SBNO2: variants seen among roughly 807,000 people sequenced by gnomAD.
SBNO2 encodes the protein protein strawberry notch homolog 2.
In SBNO2, 89 loss-of-function variants were observed where a neutral mutation model predicts 146.3. The observed-to-expected ratio is 0.61, with a 90% CI of 0.51 to 0.73. SBNO2 has a LOEUF of 0.73. SBNO2 is among the 30% of genes least tolerant of loss of function. SBNO2 has a pLI of 0.00. For missense variants in SBNO2, 2,092 were observed against 2,003.7 expected (o/e 1.04, Z -0.84); for synonymous variants, 1,147 against 892.6 (o/e 1.29, Z -5.08).
chr19:1,147,949 C>T (rs1025003515), intron 3 of SBNO2, among the ~76,000 whole-genome samples: 1 of 152,270 alleles, frequency 6.6e-6, no homozygotes, highest in East Asian at 1.9e-4. Flanking sequence ...GGGGGCCCCC[C>T]GCCCAGGGGC....
At chr19:1,151,451 A>G (rs60407916) in intron 2 of SBNO2, among the ~76,000 whole-genome samples, 1 of 152,302 alleles carries the variant, frequency 6.6e-6, no homozygotes, top group African/African-American at 2.4e-5. Flanking sequence ...CCCACAGCCC[A>G]TGGCTCCTCT....
intron 4 of SBNO2, among the ~76,000 whole-genome samples, chr19:1,129,662 C>T (rs1256980744): frequency 1.3e-5 from 2 of 152,204 alleles, no homozygotes; most frequent in African/African-American, 2.4e-5. Context: ...ACCTGTGGCC[C>T]GGACCCTCCG....
chr19:1,165,964 A>C (rs1331419196), intron 1 of SBNO2, among the ~76,000 whole-genome samples: 1 of 106,506 alleles, frequency 9.4e-6, no homozygotes, highest in Non-Finnish European at 2.0e-5. Flanking sequence ...CTCAGACCCC[A>C]GATCCCAGAT....
chr19:1,172,396 T>C lies in SBNO2; in HGVS notation c.-127+1776A>G, dbSNP rs541951587. Among the ~76,000 whole-genome samples the C allele has an allele frequency of 1.1e-4, 16 of 152,138 alleles. No individual in the cohort carries two copies. In the East Asian group the frequency reaches 3.1e-3, roughly 29 times the overall value. On this transcript the variant is annotated intron_variant, in intron 1 of 31. Transcript: ENST00000361757. ...AGAAGCCATCACCCCACGACCAGGGTCACCCCTGGGAAAATCTGGGGCCGG... is the reference window on the plus strand; with the variant it reads ...AGAAGCCATCACCCCACGACCAGGGCCACCCCTGGGAAAATCTGGGGCCGG...
chr19:1,165,680 C>CCAGATCT (rs2080408357), intron 1 of SBNO2, among the ~76,000 whole-genome samples: 1 of 81,582 alleles, frequency 1.2e-5, no homozygotes, highest in African/African-American at 3.2e-5. Flanking sequence ...ACCCCAGTAC[C>CCAGATCT]CAGACCCCAG....
At chr19:1,118,535 C>T (rs939417528) in intron 14 of SBNO2, among the ~76,000 whole-genome samples, 5 of 151,978 alleles carry the variant, frequency 3.3e-5, no homozygotes, top group African/African-American at 9.7e-5. Context: ...GGAAGGGGGG[C>T]GGTGGTTTGG....
intron 1 of SBNO2, among the ~76,000 whole-genome samples, chr19:1,165,031 G>T (rs7507563): frequency 6.6e-6 from 1 of 151,346 alleles, no homozygotes; most frequent in East Asian, 1.9e-4. Context: ...GGGTGTGCCC[G>T]GAGGAGGTCA....
At position 1,126,595 on chromosome 19, in the gene SBNO2, G is replaced by A. The variant is rs566268381; in HGVS notation, c.441+1009C>T. On this transcript the variant is annotated intron_variant, in intron 5 of 31. Transcript: ENST00000361757. This position sits in a 1 kb window ranked among gnomAD's most constrained non-coding sequence, Gnocchi z 4.4. The stretch of plus-strand genomic sequence containing the variant: ...CGTGAGCCACCCACCGTGGCTGCGG[G>A]GTGCCCTGATGCTTCCTGCCTGGGC... 6.6e-5 allele frequency among the ~76,000 whole-genome samples: 10 copies of A among 152,222 alleles called. No individual in the cohort carries two copies. In the East Asian group the frequency reaches 1.2e-3, roughly 18 times the overall value.
intron 4 of SBNO2, chr19:1,128,302 G>A (rs1234588298): frequency 2.5e-6 from 1 of 397,544 alleles, no homozygotes; most frequent in Non-Finnish European, 4.9e-6. Flanking sequence ...GCCGGAGGCA[G>A]GGGCGGGGGC....
Position 1,117,433 on chromosome 19 carries a change from G to T in SBNO2, c.1594C>A (p.Leu532Met). 1.3e-6 allele frequency: 2 copies of T among 1,590,616 alleles called. No individual in the cohort carries two copies. The highest frequency in any genetic ancestry group is 2.3e-5 in the East Asian group (1 of 43,326). ...TGTGCCGACCAGAACTGGCCCCACA[G>T]GGACTTGCGCGACTCCAGGCCGATC... Reference protein sequence around the residue: ...DWIGLESRKSLWGQFWSAHQR... With the variant: ...DWIGLESRKSMWGQFWSAHQR... Residue 532 changes from leucine to methionine, a missense_variant, in exon 15 of 32, where the codon CTG becomes ATG. Physicochemically the swap from Leu to Met is conservative, Grantham distance 15. Coordinates refer to ENST00000361757, the MANE Select transcript of SBNO2 (RefSeq NM_014963.3).
chr19:1,154,076 G>A (rs544166065), intron 2 of SBNO2, 108 bp downstream of exon 2: 17 of 489,318 alleles, frequency 3.5e-5, no homozygotes, highest in Admixed American at 8.9e-5. Context: ...TGGAGATCAC[G>A]CCGCGTCCAC....
chr19:1,128,337 C>T (rs1400477183), intron 4 of SBNO2: 1 of 363,616 alleles, frequency 2.8e-6, no homozygotes, highest in Non-Finnish European at 5.4e-6. Flanking sequence ...GTGGGGCTCG[C>T]CATGGGGATG....
intron 7 of SBNO2, 54 bp from the exon 8 acceptor site, chr19:1,123,099 G>A (rs1454862249): frequency 9.5e-5 from 149 of 1,562,914 alleles, no homozygotes; most frequent in Non-Finnish European, 1.2e-4. Context: ...GGGGTGACCA[G>A]GGCCGGTTAT....
chr19:1,131,995 C>G (rs1296735604), intron 4 of SBNO2: 11 of 896,322 alleles, frequency 1.2e-5, no homozygotes, highest in Non-Finnish European at 1.8e-5. Context: ...GAGATGCCGG[C>G]TGCTCCGGCA....
intron 3 of SBNO2, 72 bp from the exon 4 acceptor site, chr19:1,147,492 C>T (rs2080203979): frequency 5.8e-6 from 5 of 864,178 alleles, no homozygotes; most frequent in Admixed American, 6.1e-5. Context: ...CACCTGCACC[C>T]CCATGGCCGC....
At chr19:1,123,915 G>C (rs1241903419) in intron 6 of SBNO2, 27 bp downstream of exon 6, 1 of 1,603,522 alleles carries the variant, frequency 6.2e-7, no homozygotes. Context: ...GGGCAGGGGA[G>C]GGAGCTCTCG....
In SBNO2 at chr19:1,109,431, G is replaced by C; in HGVS notation, c.3217-8C>G. 1 of 1,563,738 alleles carries C rather than the reference G, an allele frequency of 6.4e-7. No homozygotes were observed. Among genetic ancestry groups the C allele is most frequent in the African/African-American group, 1.4e-5 (1 of 73,722 alleles). The stretch of plus-strand genomic sequence containing the variant: ...GGGCTTGTTACCGCGGACCTGCGGA[G>C]GGGGGCGTTGAGGCCGCGCCCCGGT... On this transcript the variant is annotated splice_polypyrimidine_tract_variant and splice_region_variant and intron_variant, in intron 28 of 31. Coordinates refer to ENST00000361757, the MANE Select transcript of SBNO2 (RefSeq NM_014963.3). This position sits in a 1 kb window ranked among gnomAD's most constrained non-coding sequence, Gnocchi z 4.2.
chr19:1,117,041 C>T, intron 15 of SBNO2, 115 bp from the exon 16 acceptor site: 24 of 1,066,084 alleles, frequency 2.3e-5, no homozygotes, highest in Non-Finnish European at 3.1e-5. Flanking sequence ...CTGTGCTCGC[C>T]TCCCCAGGAG....
At chr19:1,166,604 C>T (rs1361803409) in intron 1 of SBNO2, among the ~76,000 whole-genome samples, 2 of 108,518 alleles carry the variant, frequency 1.8e-5, no homozygotes, top group Admixed American at 1.1e-4. Context: ...AGAGCGAGAC[C>T]GCAACTGCAC....
Sources: allele counts gnomAD v4.1 joint callset (sites outside exome capture counted in the v4.1 genomes callset), GRCh38; gene constraint gnomAD v4.1.1; non-coding constraint Gnocchi (gnomAD v3.1); transcripts MANE v1.5; gene names NCBI Gene and HGNC (gene_info 2026-07-23, HGNC 2026-07-21).